ZNF286A: variants seen among roughly 807,000 people sequenced by gnomAD.
ZNF286A encodes the protein zinc finger protein 286A.
In ZNF286A, 34 loss-of-function variants were observed where a neutral mutation model predicts 49.3. The ratio of observed to expected loss-of-function variants is 0.69; its 90% CI spans 0.52 to 0.92. The LOEUF (loss-of-function observed/expected upper bound fraction) is 0.92. ZNF286A is among the 40% of genes least tolerant of loss of function. The probability of loss-of-function intolerance (pLI) is 0.00; values close to 1 mark genes in which losing one functional copy is unlikely to be tolerated. For missense variants in ZNF286A, 462 were observed against 600.2 expected (o/e 0.77, Z 2.41); for synonymous variants, 155 against 200.4 (o/e 0.77, Z 1.91).
Position 15,716,420 on chromosome 17 carries a change from A to C in ZNF286A, c.696A>C (p.Lys232Asn). The C allele has an allele frequency of 6.2e-7, 1 of 1,613,300 alleles. No individual in the cohort carries two copies. Among genetic ancestry groups the C allele is most frequent in the Non-Finnish European group, 8.5e-7 (1 of 1,179,768 alleles). The change falls in exon 6 of 6, where the codon AAA (lysine) becomes AAC (asparagine). Residue 232 changes from lysine to asparagine, a missense_variant. Coordinates refer to ENST00000583566, the MANE Select transcript of ZNF286A (RefSeq NM_001130842.2). ...TGAAACAAAAATCAAACTTAATGAA[A>C]AAGCAGAGAACTTATAAAGAGAAAA... ...KSLKQKSNLMKKQRTYKEKKP... is the reference protein window; with the variant it reads ...KSLKQKSNLMNKQRTYKEKKP...
rs1967328441 is a variant in ZNF286A at position 15,720,727 on chromosome 17, C to G, written c.*3437C>G. On this transcript the variant is annotated 3_prime_UTR_variant, in exon 6 of 6. Transcript: ENST00000583566. Reference sequence around the variant, plus strand: ...TCAAATGTTTTTGGTTATCTGTAAACTAAATGTGCCCTTATTGGCTCACTT... The same window carrying G: ...TCAAATGTTTTTGGTTATCTGTAAAGTAAATGTGCCCTTATTGGCTCACTT... 6.6e-6 allele frequency: 1 copy of G among 151,754 alleles called. No individual in the cohort carries two copies. Among genetic ancestry groups the G allele is most frequent in the Non-Finnish European group, 1.5e-5 (1 of 67,980 alleles). The allele number at this position is 151,754 out of a possible 1,614,324, so 9.4% of individuals were successfully genotyped here. A position where few individuals can be genotyped will look rare whatever the true frequency, so the allele number is the denominator to read the frequency against.
Position 15,716,068 on chromosome 17 carries a change from C to T in ZNF286A, c.344C>T (p.Thr115Ile). The change falls in exon 6 of 6, where the codon ACT (threonine) becomes ATT (isoleucine). Residue 115 changes from threonine (T) to isoleucine (I), a missense_variant. Physicochemically the swap from Thr to Ile is moderately conservative, Grantham distance 89. Around this residue, in one of 3 missense-constraint regions of ZNF286A, gnomAD observed 259 missense variants for 272.2 expected, o/e 0.95. Transcript: ENST00000583566. Reference sequence around the variant, plus strand: ...TTCCAATGTCTTTCAGACATGGAGACTAGACCACAGAGCAAGGATTCAACT... The same window carrying T: ...TTCCAATGTCTTTCAGACATGGAGATTAGACCACAGAGCAAGGATTCAACT... ...APKSSYSDME[T>I]RPQSKDSTSV... 6.2e-7 allele frequency: 1 copy of T among 1,613,868 alleles called. No individual in the cohort carries two copies. Among genetic ancestry groups the T allele is most frequent in the Non-Finnish European group, 8.5e-7 (1 of 1,179,816 alleles).
rs1967285275 is a variant in ZNF286A, at chr17:15,719,844, A to G, written c.*2554A>G. On this transcript the variant is annotated 3_prime_UTR_variant, in exon 6 of 6. Transcript: ENST00000583566. Reference sequence around the variant, plus strand: ...TAAAGGGTTTAAACCAGTCAGAGAAACTAGGTGGAATGGAAAAGTACTGAG... The same window carrying G: ...TAAAGGGTTTAAACCAGTCAGAGAAGCTAGGTGGAATGGAAAAGTACTGAG... 1 of 152,220 alleles carries G rather than the reference A, an allele frequency of 6.6e-6. No homozygotes were observed. The allele number at this position is 152,220 out of a possible 1,614,324, so 9.4% of individuals were successfully genotyped here. A position where few individuals can be genotyped will look rare whatever the true frequency, so the allele number is the denominator to read the frequency against.
In ZNF286A at chr17:15,716,745, C is replaced by G; in HGVS notation, c.1021C>G (p.Leu341Val). The G allele has an allele frequency of 6.2e-7, 1 of 1,613,816 alleles. No homozygotes were observed. The highest frequency in any genetic ancestry group is 2.2e-5 in the East Asian group (1 of 44,884). ...GAAAGGTTTTAATCGAAGTACACAT[C>G]TTGTGCAGCATCAGTTGATTCATAC... ...CGKGFNRSTH[L>V]VQHQLIHTGV... Residue 341 changes from leucine to valine, a missense_variant, in exon 6 of 6, where the codon CTT (leucine) becomes GTT (valine). Coordinates refer to ENST00000583566, the MANE Select transcript of ZNF286A (RefSeq NM_001130842.2).
chr17:15,716,281 A>T lies in ZNF286A; in HGVS notation c.557A>T (p.Glu186Val), dbSNP rs1030565617. 6.2e-7 allele frequency: 1 copy of T among 1,613,916 alleles called. No individual in the cohort carries two copies. ...ACTCACATGAATTCACTCTCTGAGG[A>T]AACAGACCATAAGCATGATGTATAC... ...MFTHMNSLSE[E>V]TDHKHDVYWK... is the part of the protein sequence containing the mutation. The change falls in exon 6 of 6, where the codon GAA (glutamate) becomes GTA (valine). Residue 186 changes from glutamate to valine, a missense_variant. Coordinates refer to ENST00000583566, the MANE Select transcript of ZNF286A (RefSeq NM_001130842.2).
At chr17:15,707,936 A>G (rs902482130) in intron 4 of ZNF286A, among the ~76,000 whole-genome samples, 3 of 152,176 alleles carry the variant, frequency 2.0e-5, no homozygotes, top group African/African-American at 7.2e-5. Context: ...GGATAGCTTG[A>G]GCCCCGGAGT....
intron 4 of ZNF286A, among the ~76,000 whole-genome samples, chr17:15,707,199 G>C (rs1990292680): frequency 6.6e-6 from 1 of 152,118 alleles, no homozygotes; most frequent in African/African-American, 2.4e-5. Context: ...CCAGCACTTT[G>C]GGAGGCCGAG....
intron 3 of ZNF286A, 54 bp from the exon 4 acceptor site, chr17:15,706,333 A>C: frequency 6.8e-7 from 1 of 1,470,576 alleles, no homozygotes; most frequent in South Asian, 1.1e-5. Flanking sequence ...AAACTGGGGG[A>C]TGAAAGAGAA....
chr17:15,705,129 C>T lies in ZNF286A; in HGVS notation c.127-1258C>T, dbSNP rs1321714511. Among the ~76,000 whole-genome samples, 7 of 152,124 alleles carry T rather than the reference C, an allele frequency of 4.6e-5. No individual in the cohort carries two copies. In the South Asian group the frequency reaches 1.4e-3, roughly 31 times the overall value. On this transcript the variant is annotated intron_variant, in intron 3 of 5. Transcript: ENST00000583566. ...ATTTCTTAAATCTTAGATTATTTTC[C>T]GCATAGTAGCTTTACTTTGAGATAA...
chr17:15,702,605 C>A (rs1215896665), intron 3 of ZNF286A, among the ~76,000 whole-genome samples: 2 of 152,060 alleles, frequency 1.3e-5, no homozygotes, highest in South Asian at 4.1e-4. Flanking sequence ...ATCAGCCTTT[C>A]TCTTTGCTTC....
intron 5 of ZNF286A, among the ~76,000 whole-genome samples, chr17:15,708,661 G>A (rs1990424252): frequency 1.3e-5 from 2 of 152,148 alleles, no homozygotes; most frequent in African/African-American, 2.4e-5. Flanking sequence ...CTAACTTATA[G>A]CACCAAGTTT....
At chr17:15,715,973 A>G (rs1439908571) in intron 5 of ZNF286A, 86 bp from the exon 6 acceptor site, 1 of 1,563,698 alleles carries the variant, frequency 6.4e-7, no homozygotes, top group Admixed American at 1.9e-5. Flanking sequence ...CATGCTTTTC[A>G]CTTTCATTAA....
At chr17:15,704,817 G>A (rs371019041) in intron 3 of ZNF286A, 2 of 1,613,756 alleles carry the variant, frequency 1.2e-6, no homozygotes, top group Non-Finnish European at 1.7e-6. Flanking sequence ...TGATGCCATC[G>A]GGTGGGTCTG....
chr17:15,712,689 G>T (rs554513350), intron 5 of ZNF286A, among the ~76,000 whole-genome samples: 598 of 151,974 alleles, frequency 3.9e-3, no homozygotes, highest in African/African-American at 0.013. Flanking sequence ...TGTTTTCCTG[G>T]ATTACTGTGA....
Position 15,706,417 on chromosome 17 carries a change from GA to G in ZNF286A, c.158del (p.Asp53AlafsTer17). The G allele has an allele frequency of 6.2e-7, 1 of 1,614,062 alleles. No individual in the cohort carries two copies. Among genetic ancestry groups the G allele is most frequent in the Non-Finnish European group, 8.5e-7 (1 of 1,179,986 alleles). On this transcript the variant is annotated frameshift_variant, in exon 4 of 6. Coordinates refer to ENST00000583566, the MANE Select transcript of ZNF286A (RefSeq NM_001130842.2). LOFTEE classifies it high-confidence loss of function. ...AGTGACATTCAAGGATGTGGCCATG[GA>G]CTTTACACCAGAGGAGTGGGGGAAG... ...ETVTFKDVAM[D>X]FTPEEWGKLD... is the part of the protein sequence containing the mutation.
chr17:15,704,925 C>A, intron 3 of ZNF286A: 6 of 1,477,228 alleles, frequency 4.1e-6, no homozygotes, highest in Non-Finnish European at 5.4e-6. Context: ...GGGGGCGGGT[C>A]CCCCCGGCCC....
In ZNF286A at chr17:15,716,196, T is replaced by A. The variant is rs1162875363; in HGVS notation, c.472T>A (p.Cys158Ser). Residue 158 changes from cysteine to serine, a missense_variant, in exon 6 of 6, where the codon TGT becomes AGT. Cys to Ser is a moderately radical substitution (Grantham distance 112). Coordinates refer to ENST00000583566, the MANE Select transcript of ZNF286A (RefSeq NM_001130842.2). ...CTCTAACTTGGAAGCAGCCCTTGAA[T>A]GTGAAAATTGGTTAGAGAATCAGCA... The part of the protein sequence containing the change: ...YDSNLEAALE[C>S]ENWLENQQGN... The A allele has an allele frequency of 1.2e-6, 2 of 1,613,860 alleles. No individual in the cohort carries two copies. Among genetic ancestry groups the A allele is most frequent in the Non-Finnish European group, 8.5e-7 (1 of 1,179,818 alleles).
At position 15,709,896 on chromosome 17, in the gene ZNF286A, A is replaced by C. The variant is rs182522842; in HGVS notation, c.334+1649A>C. On this transcript the variant is annotated intron_variant, in intron 5 of 5. Coordinates refer to ENST00000583566, the MANE Select transcript of ZNF286A (RefSeq NM_001130842.2). Reference sequence around the variant, plus strand: ...TAGGGAGATAACTGGAAGAAGAATTAGTAGGTCTTAAATCATCACATGTTT... The same window carrying C: ...TAGGGAGATAACTGGAAGAAGAATTCGTAGGTCTTAAATCATCACATGTTT... 4,602 of 1,541,368 alleles carry C rather than the reference A, an allele frequency of 3.0e-3. 27 individuals are homozygous for C. The highest frequency in any genetic ancestry group is 7.6e-3 in the Middle Eastern group (33 of 4,338).
At chr17:15,713,776 C>A (rs1025456239) in intron 5 of ZNF286A, among the ~76,000 whole-genome samples, 1 of 150,158 alleles carries the variant, frequency 6.7e-6, no homozygotes, top group Non-Finnish European at 1.5e-5. Flanking sequence ...TTTTAGGAAG[C>A]CATCAAGCTC....
Sources: gnomAD v4.1 joint callset for allele counts (sites outside exome capture counted in the v4.1 genomes callset) on GRCh38, gnomAD v4.1.1 for gene constraint, gnomAD v4.1.1 regional missense constraint, MANE v1.5 for transcripts, NCBI Gene and HGNC (gene_info 2026-07-23, HGNC 2026-07-21) for gene names.